VPS13B: variants seen among roughly 807,000 people sequenced by gnomAD.
VPS13B encodes vacuolar protein sorting 13 homolog B.
Under a neutral mutation model 426.4 loss-of-function variants are expected in VPS13B, and 285 were observed. The observed-to-expected ratio is 0.67, with a 90% confidence interval of 0.61 to 0.74. VPS13B has a LOEUF of 0.74. Among genes scored for constraint, VPS13B ranks in the 30% least tolerant of loss-of-function variants. The probability of loss-of-function intolerance (pLI) is 0.00; values close to 1 mark genes in which losing one functional copy is unlikely to be tolerated. For missense variants in VPS13B, 4,537 were observed against 4,782.6 expected (o/e 0.95, Z 1.51); for synonymous variants, 1,676 against 1,676.4 (o/e 1.00, Z 0.01).
intron 19 of VPS13B, among the ~76,000 whole-genome samples, chr8:99,320,666 T>C (rs557033754): frequency 6.6e-6 from 1 of 152,346 alleles, no homozygotes; most frequent in East Asian, 1.9e-4. Flanking sequence ...ATTTAATCTG[T>C]AAATGCTGCT....
At chr8:99,426,016 T>G (rs910878195) in intron 21 of VPS13B, among the ~76,000 whole-genome samples, 8 of 150,478 alleles carry the variant, frequency 5.3e-5, no homozygotes, top group African/African-American at 2.0e-4. Context: ...ACCCACTAAC[T>G]CGTCATCTAG....
chr8:99,142,151 G>A (rs1810463769), intron 12 of VPS13B, among the ~76,000 whole-genome samples: 1 of 152,102 alleles, frequency 6.6e-6, no homozygotes, highest in East Asian at 1.9e-4. Flanking sequence ...TGAAATAATG[G>A]AAATATATTT....
chr8:99,744,294 G>T (rs1356154558), intron 39 of VPS13B, among the ~76,000 whole-genome samples: 1 of 152,146 alleles, frequency 6.6e-6, no homozygotes, highest in South Asian at 2.1e-4. Flanking sequence ...AGCTAGAATG[G>T]TGATCATTAA....
chr8:99,797,167 A>C (rs1314665384), intron 43 of VPS13B: 1 of 152,214 alleles, frequency 6.6e-6, no homozygotes, highest in Admixed American at 6.5e-5. Context: ...GCTTTGAATA[A>C]GGTATTGTTT....
intron 54 of VPS13B, among the ~76,000 whole-genome samples, chr8:99,846,605 A>G (rs1265745510): frequency 1.3e-5 from 2 of 152,212 alleles, no homozygotes; most frequent in Non-Finnish European, 2.9e-5. Flanking sequence ...AGGATAGACT[A>G]AAGTCTGTGT....
intron 43 of VPS13B, among the ~76,000 whole-genome samples, chr8:99,808,508 CAAAAAAAAAA>C (rs758638504): frequency 7.7e-5 from 5 of 64,944 alleles, no homozygotes; most frequent in Non-Finnish European, 1.6e-4. Context: ...GAGCGAGACT[CAAAAAAAAAA>C]AAAAAAAAAA....
In VPS13B at chr8:99,699,560, G is replaced by C. The variant is rs1310217789; in HGVS notation, c.6082G>C (p.Ala2028Pro). 1 of 1,613,894 alleles carries C rather than the reference G, an allele frequency of 6.2e-7. No individual in the cohort carries two copies. ...VNLDISKPLKANLSFTKLDQI... is the reference protein window; with the variant it reads ...VNLDISKPLKPNLSFTKLDQI... ...TTTGGATATATCAAAGCCTTTGAAA[G>C]CAAACCTGAGTTTCACCAAACTGGA... The change falls in exon 36 of 62, where the codon GCA (alanine) becomes CCA (proline). Residue 2028 changes from alanine (A) to proline (P), a missense_variant. By Grantham distance (27) the Ala-to-Pro change is conservative. Coordinates refer to ENST00000357162, the MANE Select transcript of VPS13B (RefSeq NM_152564.5).
intron 36 of VPS13B, among the ~76,000 whole-genome samples, chr8:99,700,680 C>T (rs1832232531): frequency 6.6e-6 from 1 of 152,176 alleles, no homozygotes; most frequent in Non-Finnish European, 1.5e-5. Flanking sequence ...TCTACATTTT[C>T]CACTTCTGTT....
At chr8:99,283,436 G>A (rs1028746656) in intron 19 of VPS13B, among the ~76,000 whole-genome samples, 2 of 152,172 alleles carry the variant, frequency 1.3e-5, no homozygotes, top group Non-Finnish European at 2.9e-5. Context: ...TGATGACAGA[G>A]CTTGCCTGAA....
chr8:99,834,055 A>G (rs79921820), intron 52 of VPS13B, among the ~76,000 whole-genome samples: 4,879 of 152,342 alleles, frequency 0.032, 98 homozygotes, highest in Non-Finnish European at 0.042. Flanking sequence ...CCAAATGCTA[A>G]TGGACCATTC....
At chr8:99,183,647 G>A (rs1045101289) in intron 16 of VPS13B, among the ~76,000 whole-genome samples, 2 of 152,040 alleles carry the variant, frequency 1.3e-5, no homozygotes, top group Non-Finnish European at 2.9e-5. Context: ...TAGTGTTTCA[G>A]AGTGTTGGAA....
chr8:99,213,291 A>C (rs6988895), intron 17 of VPS13B, among the ~76,000 whole-genome samples: 1,780 of 152,250 alleles, frequency 0.012, 33 homozygotes, highest in African/African-American at 0.04. Flanking sequence ...AATTCTAATA[A>C]AAATTTTATT....
chr8:99,658,002 G>T (rs993189639), intron 34 of VPS13B, among the ~76,000 whole-genome samples: 4 of 152,102 alleles, frequency 2.6e-5, no homozygotes, highest in Non-Finnish European at 4.4e-5. Flanking sequence ...AAGAAAAATT[G>T]TATTTCTTGT....
At chr8:99,395,316 T>C (rs1814669269) in intron 21 of VPS13B, among the ~76,000 whole-genome samples, 1 of 152,174 alleles carries the variant, frequency 6.6e-6, no homozygotes, top group Non-Finnish European at 1.5e-5. Flanking sequence ...GTTTGCTGAA[T>C]AGCAAGACAT....
At chr8:99,229,351 T>C (rs1403650438) in intron 17 of VPS13B, among the ~76,000 whole-genome samples, 1 of 152,216 alleles carries the variant, frequency 6.6e-6, no homozygotes, top group Non-Finnish European at 1.5e-5. Context: ...GCTGAAAAGC[T>C]GAAGTCAACT....
Position 99,033,805 on chromosome 8 carries a change from A to G in VPS13B, c.148-4618A>G, listed in dbSNP as rs147558600. On this transcript the variant is annotated intron_variant, in intron 2 of 61. Coordinates refer to ENST00000357162, the MANE Select transcript of VPS13B (RefSeq NM_152564.5). ...CAGCTATTCGGGAGGCTGAGGCAGG[A>G]AAATCATTTGAACCCGGGAGGCAGA... Among the ~76,000 whole-genome samples, 765 of 152,230 alleles carry G rather than the reference A, an allele frequency of 5.0e-3. 3 individuals carry two copies. The highest frequency in any genetic ancestry group is 0.018 in the African/African-American group (734 of 41,534).
At chr8:99,758,993 C>A (rs1019775751) in intron 39 of VPS13B, among the ~76,000 whole-genome samples, 2 of 152,054 alleles carry the variant, frequency 1.3e-5, no homozygotes, top group Non-Finnish European at 2.9e-5. Context: ...ACTCTTCAAC[C>A]CTCTTGTCAA....
chr8:99,706,336 C>T (rs1832496055), intron 36 of VPS13B, among the ~76,000 whole-genome samples: 1 of 152,140 alleles, frequency 6.6e-6, no homozygotes, highest in African/African-American at 2.4e-5. Context: ...AGGATTTGGC[C>T]TGTTTAAGAT....
intron 17 of VPS13B, among the ~76,000 whole-genome samples, chr8:99,194,606 T>A (rs1186718372): frequency 6.6e-6 from 1 of 152,228 alleles, no homozygotes; most frequent in Non-Finnish European, 1.5e-5. Flanking sequence ...TTTCCTTCTT[T>A]ATTTAAGGCA....
Sources: allele counts gnomAD v4.1 joint callset (sites outside exome capture counted in the v4.1 genomes callset), GRCh38; gene constraint gnomAD v4.1.1; transcripts MANE v1.5; gene names NCBI Gene and HGNC (gene_info 2026-07-23, HGNC 2026-07-21).